The following ATRNL1 variants were observed in gnomAD, a reference collection of about 807,000 sequenced individuals.
The protein encoded by ATRNL1 is attractin-like protein 1.
A neutral mutation model predicts 182.7 loss-of-function variants in ATRNL1; 95 were observed. The observed-to-expected ratio is 0.52, with a 90% CI of 0.44 to 0.62. The LOEUF is 0.62. Among genes scored for constraint, ATRNL1 ranks in the 20% least tolerant of loss-of-function variants. ATRNL1 has a pLI of 0.00. For missense variants in ATRNL1, 1,471 were observed against 1,679.5 expected, an observed-to-expected ratio of 0.88 and a Z score of 2.17; for synonymous variants, 576 against 568.3, an observed-to-expected ratio of 1.01 and a Z score of -0.19.
chr10:115,436,802 T>C (rs1440139551), intron 21 of ATRNL1, among the ~76,000 whole-genome samples: 2 of 152,140 alleles, frequency 1.3e-5, no homozygotes, highest in African/African-American at 2.4e-5. Flanking sequence ...ACTTATTGAC[T>C]AGCTACTTTG....
At chr10:115,922,579 C>T (rs1246600384) in intron 28 of ATRNL1, among the ~76,000 whole-genome samples, 3 of 152,076 alleles carry the variant, frequency 2.0e-5, no homozygotes, top group African/African-American at 7.2e-5. Flanking sequence ...GATCCTCTCA[C>T]CTTGGACTCC....
chr10:115,676,351 G>A (rs1299375931), intron 26 of ATRNL1, among the ~76,000 whole-genome samples: 1 of 151,998 alleles, frequency 6.6e-6, no homozygotes, highest in African/African-American at 2.4e-5. Context: ...AATACTTCTA[G>A]AGAAGTACAT....
intron 28 of ATRNL1, among the ~76,000 whole-genome samples, chr10:115,868,747 G>A (rs1951497876): frequency 2.0e-5 from 3 of 150,272 alleles, no homozygotes; most frequent in African/African-American, 7.4e-5. Flanking sequence ...CTCAAAAGAG[G>A]TTTCGGCTCC....
chr10:115,153,750 T>C lies in ATRNL1; in HGVS notation c.830-6290T>C, dbSNP rs1465386634. Among the ~76,000 whole-genome samples, 106 of 152,180 alleles carry C rather than the reference T, an allele frequency of 7.0e-4. 2 individuals are homozygous for C. The highest frequency in any genetic ancestry group is 2.2e-3 in the Admixed American group (33 of 15,286). On this transcript the variant is annotated intron_variant, in intron 5 of 28. Transcript: ENST00000355044. ...CTGCTCTGATCTTAGTTATTTCTTG[T>C]CTTCTGCTAGCTTTTGAATGTGTTT...
chr10:115,933,983 A>T, intron 28 of ATRNL1, among the ~76,000 whole-genome samples: 1 of 152,098 alleles, frequency 6.6e-6, no homozygotes, highest in Admixed American at 6.6e-5. Flanking sequence ...TGAGTAGTGG[A>T]GAGGTGTTGC....
chr10:115,180,172 A>C (rs74905402), intron 8 of ATRNL1, among the ~76,000 whole-genome samples: 1,790 of 151,994 alleles, frequency 0.012, 34 homozygotes, highest in African/African-American at 0.04. Context: ...AAATCATGTT[A>C]ATTTAAAAAA....
At chr10:115,588,961 A>G (rs1475151857) in intron 26 of ATRNL1, among the ~76,000 whole-genome samples, 1 of 152,178 alleles carries the variant, frequency 6.6e-6, no homozygotes, top group Non-Finnish European at 1.5e-5. Context: ...CATTCTTTTC[A>G]AAGGATTAGA....
At chr10:115,525,365 G>T (rs1430542228) in intron 25 of ATRNL1, among the ~76,000 whole-genome samples, 4 of 152,116 alleles carry the variant, frequency 2.6e-5, no homozygotes, top group Admixed American at 2.6e-4. Flanking sequence ...GCAGTTAAGC[G>T]CTGACACCTG....
intron 25 of ATRNL1, among the ~76,000 whole-genome samples, chr10:115,530,407 C>T (rs1396594346): frequency 6.6e-6 from 1 of 151,868 alleles, no homozygotes; most frequent in African/African-American, 2.4e-5. Flanking sequence ...TTTCTTATAG[C>T]CATCTTAGTG....
intron 26 of ATRNL1, among the ~76,000 whole-genome samples, chr10:115,670,016 A>C (rs1945645753): frequency 6.6e-6 from 1 of 152,106 alleles, no homozygotes; most frequent in Non-Finnish European, 1.5e-5. Flanking sequence ...AGATGTAAAA[A>C]ATAGAATACT....
chr10:115,653,488 C>T (rs1860140144), intron 26 of ATRNL1, among the ~76,000 whole-genome samples: 1 of 152,144 alleles, frequency 6.6e-6, no homozygotes, highest in South Asian at 2.1e-4. Flanking sequence ...GCAAACTTTG[C>T]CTTTCCGTTT....
intron 1 of ATRNL1, among the ~76,000 whole-genome samples, chr10:115,108,815 C>T (rs1449532084): frequency 2.0e-5 from 3 of 152,148 alleles, no homozygotes; most frequent in African/African-American, 7.2e-5. Context: ...ACTCCCATGC[C>T]CTTGTTCTCT....
At chr10:115,341,023 T>G (rs1855729844) in intron 19 of ATRNL1, among the ~76,000 whole-genome samples, 2 of 151,940 alleles carry the variant, frequency 1.3e-5, no homozygotes, top group Non-Finnish European at 2.9e-5. Context: ...TCATTTCAAT[T>G]TTATTATTTC....
chr10:115,389,572 A>G (rs1484394051), intron 19 of ATRNL1, among the ~76,000 whole-genome samples: 40 of 115,478 alleles, frequency 3.5e-4, no homozygotes, highest in South Asian at 1.1e-3. Context: ...ATATATATAT[A>G]TATATATATA....
At chr10:115,157,523 A>G (rs572805083) in intron 5 of ATRNL1, among the ~76,000 whole-genome samples, 3 of 152,096 alleles carry the variant, frequency 2.0e-5, no homozygotes, top group East Asian at 1.9e-4. Flanking sequence ...CTACAGACCT[A>G]TAACATCCTG....
At chr10:115,862,590 A>G (rs1951340932) in intron 28 of ATRNL1, among the ~76,000 whole-genome samples, 1 of 152,196 alleles carries the variant, frequency 6.6e-6, no homozygotes, top group Admixed American at 6.5e-5. Flanking sequence ...GTGGCAACCT[A>G]GTGCTGGGAA....
chr10:115,131,817 G>C (rs1282733513), intron 5 of ATRNL1, among the ~76,000 whole-genome samples: 1 of 152,164 alleles, frequency 6.6e-6, no homozygotes, highest in Non-Finnish European at 1.5e-5. Flanking sequence ...CTGTTTGGCT[G>C]TATGCCTAAT....
Position 115,558,068 on chromosome 10 carries a change from A to C in ATRNL1, c.3795+8532A>C, listed in dbSNP as rs544886374. 7.1e-3 allele frequency among the ~76,000 whole-genome samples: 1,074 copies of C among 150,894 alleles called. 11 individuals carry two copies. Among genetic ancestry groups the C allele is most frequent in the African/African-American group, 0.024 (984 of 40,886 alleles). ...CAAAAACAAAAAAACAAAAAAACAAAAAAAAAAAACCATTTAAAATACCTG... is the reference window on the plus strand; with the variant it reads ...CAAAAACAAAAAAACAAAAAAACAACAAAAAAAAACCATTTAAAATACCTG... On this transcript the variant is annotated intron_variant, in intron 26 of 28. Coordinates refer to ENST00000355044, the MANE Select transcript of ATRNL1 (RefSeq NM_207303.4).
intron 10 of ATRNL1, among the ~76,000 whole-genome samples, chr10:115,262,011 G>A (rs1420768014): frequency 1.3e-5 from 2 of 152,086 alleles, no homozygotes; most frequent in African/African-American, 4.8e-5. Context: ...GAAGAAGGAA[G>A]TCAGGCATAT....
Sources: allele counts gnomAD v4.1 joint callset (sites outside exome capture counted in the v4.1 genomes callset), GRCh38; gene constraint gnomAD v4.1.1; transcripts MANE v1.5; gene names NCBI Gene and HGNC (gene_info 2026-07-23, HGNC 2026-07-21).